SLC2A14: variants seen among roughly 807,000 people sequenced by gnomAD.
SLC2A14 encodes solute carrier family 2, facilitated glucose transporter member 14.
A neutral mutation model predicts 43.0 loss-of-function variants in SLC2A14; 13 were observed. That is an observed-to-expected ratio of 0.30 (90% CI 0.20 to 0.48). SLC2A14 has a LOEUF of 0.48. SLC2A14 is among the 20% of genes least tolerant of loss of function. The pLI, the probability that SLC2A14 is intolerant of heterozygous loss-of-function variation, is 0.99. For missense variants in SLC2A14, 428 were observed against 620.4 expected (o/e 0.69, Z 3.29); for synonymous variants, 190 against 233.8 (o/e 0.81, Z 1.71).
intron 2 of SLC2A14, chr12:7,839,643 G>A (rs1466522188): frequency 3.4e-6 from 1 of 292,800 alleles, no homozygotes; most frequent in African/African-American, 2.3e-5. Context: ...AGGGTGCTGT[G>A]GTTTAAATGT....
chr12:7,876,984 T>C (rs527354997), upstream of SLC2A14, among the ~76,000 whole-genome samples: 1 of 151,080 alleles, frequency 6.6e-6, no homozygotes, highest in Non-Finnish European at 1.5e-5. Context: ...TCTTGTTTTT[T>C]AAAGCTGAAT....
chr12:7,875,429 A>G (rs886440518), upstream of SLC2A14, among the ~76,000 whole-genome samples: 2 of 150,930 alleles, frequency 1.3e-5, no homozygotes, highest in Non-Finnish European at 2.9e-5. Flanking sequence ...AATTGCATGA[A>G]TCCGGGAGGC....
Position 7,819,056 on chromosome 12 carries a change from A to G in SLC2A14, c.1071+426T>C, listed in dbSNP as rs370885780. On this transcript the variant is annotated intron_variant, in intron 9 of 10. Transcript: ENST00000431042. ...AACATGGAGAAACCCTGTCTCTACTAAAAATAAAAAATTAGCTGGGCGTGG... is the reference window on the plus strand; with the variant it reads ...AACATGGAGAAACCCTGTCTCTACTGAAAATAAAAAATTAGCTGGGCGTGG... Among the ~76,000 whole-genome samples, 14 of 152,148 alleles carry G rather than the reference A, an allele frequency of 9.2e-5. No homozygotes were observed. The East Asian group carries it at 2.5e-3, about 27-fold the overall frequency.
chr12:7,838,166 C>A (rs1241190804), intron 2 of SLC2A14, among the ~76,000 whole-genome samples: 1 of 150,978 alleles, frequency 6.6e-6, no homozygotes, highest in Non-Finnish European at 1.5e-5. Flanking sequence ...TGGCTTACTG[C>A]AACCTCCACC....
intron 6 of SLC2A14, among the ~76,000 whole-genome samples, chr12:7,827,921 A>C (rs1025247786): frequency 6.6e-6 from 1 of 152,086 alleles, no homozygotes; most frequent in African/African-American, 2.4e-5. Context: ...CTTGTGGATC[A>C]CCTGAGGTGA....
In SLC2A14 at chr12:7,813,236, A is replaced by C. The variant is rs1863171886; in HGVS notation, c.*1080T>G. The C allele has an allele frequency of 1.3e-5, 2 of 152,110 alleles. No individual in the cohort carries two copies. Among genetic ancestry groups the C allele is most frequent in the Middle Eastern group, 3.2e-3 (1 of 316 alleles). 9.4% of individuals were successfully genotyped at this position (152,110 alleles called of 1,614,324 possible). ...GAAAATCAACACCTAAAATCTCCTA[A>C]AGAACAAAGTGGAGAAATAATGAAT... On this transcript the variant is annotated 3_prime_UTR_variant, in exon 11 of 11. Coordinates refer to ENST00000431042, the MANE Select transcript of SLC2A14 (RefSeq NM_001286234.2).
At chr12:7,873,208 C>T (rs1452396761), upstream of SLC2A14, 2 of 985,368 alleles carry the variant, frequency 2.0e-6, no homozygotes, top group African/African-American at 1.7e-5. Context: ...CCACCCTTGG[C>T]GCCGCCGTTA....
intron 5 of SLC2A14, 42 bp from the exon 6 acceptor site, chr12:7,828,908 A>G: frequency 6.3e-7 from 1 of 1,595,914 alleles, no homozygotes; most frequent in Non-Finnish European, 8.5e-7. Context: ...CCCATACTTC[A>G]CAGGCCACAA....
intron 1 of SLC2A14, among the ~76,000 whole-genome samples, chr12:7,888,601 C>A (rs753917943): frequency 6.6e-6 from 1 of 151,814 alleles, no homozygotes; most frequent in African/African-American, 2.4e-5. Context: ...AGATCGAGAC[C>A]ATCCTGGCCA....
intron 5 of SLC2A14, among the ~76,000 whole-genome samples, chr12:7,829,550 C>G (rs1864815015): frequency 1.7e-5 from 2 of 115,442 alleles, no homozygotes; most frequent in South Asian, 2.8e-4. Flanking sequence ...GTGAAACTCC[C>G]TCTCAAAAAA....
intron 1 of SLC2A14, chr12:7,871,183 T>G: frequency 3.2e-6 from 4 of 1,260,230 alleles, no homozygotes; most frequent in Non-Finnish European, 2.0e-6. Context: ...CTTCACCTGC[T>G]TCAACGAGGA....
At chr12:7,816,526 C>T (rs1415264282) in intron 10 of SLC2A14, among the ~76,000 whole-genome samples, 1 of 151,352 alleles carries the variant, frequency 6.6e-6, no homozygotes, top group African/African-American at 2.4e-5. Context: ...CGTGAGCCAT[C>T]TCACCCATCT....
At chr12:7,845,315 T>C (rs1866368733) in intron 2 of SLC2A14, among the ~76,000 whole-genome samples, 1 of 152,184 alleles carries the variant, frequency 6.6e-6, no homozygotes, top group African/African-American at 2.4e-5. Context: ...TTCATGCTCC[T>C]CCATTCCCAA....
chr12:7,883,606 T>C (rs1394835161), intron 1 of SLC2A14, among the ~76,000 whole-genome samples: 1 of 138,950 alleles, frequency 7.2e-6, no homozygotes, highest in Non-Finnish European at 1.6e-5. Context: ...TTTTTTTTTT[T>C]TTTTTTTGAG....
At chr12:7,829,363 A>C (rs10846010) in intron 5 of SLC2A14, among the ~76,000 whole-genome samples, 39,872 of 151,408 alleles carry the variant, frequency 0.26, 5,559 homozygotes, top group East Asian at 0.48. Flanking sequence ...AGTTTGAGAA[A>C]AGCCTGGCCA....
chr12:7,882,334 G>A (rs1406416906), intron 1 of SLC2A14, among the ~76,000 whole-genome samples: 1 of 151,786 alleles, frequency 6.6e-6, no homozygotes, highest in Non-Finnish European at 1.5e-5. Context: ...CCACCAGAAG[G>A]AAAAAAGTCC....
chr12:7,814,000 A>G lies in SLC2A14; in HGVS notation c.*316T>C, dbSNP rs1455766578. The G allele has an allele frequency of 2.8e-5, 10 of 358,500 alleles. No individual in the cohort carries two copies. The highest frequency in any genetic ancestry group is 8.0e-4 in the Middle Eastern group (1 of 1,244). 22.2% of individuals were successfully genotyped at this position (358,500 alleles called of 1,614,324 possible). A position where few individuals can be genotyped will look rare whatever the true frequency, so the allele number is the denominator to read the frequency against. On this transcript the variant is annotated 3_prime_UTR_variant, in exon 11 of 11. Transcript: ENST00000431042. Reference sequence around the variant, plus strand: ...TTACTTTTCCTCTCCTATATCCTCTAGTGCGGCAATATCAGAACCCAAGGG... The same window carrying G: ...TTACTTTTCCTCTCCTATATCCTCTGGTGCGGCAATATCAGAACCCAAGGG...
intron 2 of SLC2A14, among the ~76,000 whole-genome samples, chr12:7,848,586 G>A (rs1350541630): frequency 6.9e-6 from 1 of 144,244 alleles, no homozygotes; most frequent in African/African-American, 2.6e-5. Flanking sequence ...CAGAGTTTTT[G>A]CTCTTGTCGC....
rs190233014 is a variant in SLC2A14 at position 7,868,157 on chromosome 12, A to G, written c.18+1706T>C. On this transcript the variant is annotated intron_variant, in intron 2 of 10. Transcript: ENST00000431042. ...CCAACCCCAGCCTTTAGTAACCACA[A>G]CCCTGATCAGTCGGCAGCCATCAAT... is the stretch of plus-strand genomic sequence containing the variant. Among the ~76,000 whole-genome samples the G allele has an allele frequency of 1.1e-3, 164 of 152,230 alleles. 1 individual carries two copies. Among genetic ancestry groups the G allele is most frequent in the East Asian group, 6.0e-3 (31 of 5,190 alleles).
Sources: allele counts gnomAD v4.1 joint callset (sites outside exome capture counted in the v4.1 genomes callset), GRCh38; gene constraint gnomAD v4.1.1; transcripts MANE v1.5; gene names NCBI Gene and HGNC (gene_info 2026-07-23, HGNC 2026-07-21).